The following LRBA variants were observed in gnomAD, a reference collection of about 807,000 sequenced individuals.
The protein encoded by LRBA is lipopolysaccharide-responsive and beige-like anchor protein.
A neutral mutation model predicts 330.0 loss-of-function variants in LRBA; 176 were observed. The ratio of observed to expected loss-of-function variants is 0.53; its 90% CI spans 0.47 to 0.60. LRBA has a LOEUF of 0.60. LRBA is among the 20% of genes least tolerant of loss of function. LRBA has a pLI of 0.00. For synonymous variants in LRBA, 1,230 were observed against 1,193.0 expected (o/e 1.03, Z -0.64); for missense variants, 3,259 against 3,444.8 (o/e 0.95, Z 1.35).
At chr4:150,965,795 C>T (rs1054711639) in intron 2 of LRBA, among the ~76,000 whole-genome samples, 2 of 151,908 alleles carry the variant, frequency 1.3e-5, no homozygotes, top group South Asian at 2.1e-4. Context: ...CCTTCCACCT[C>T]GGCCTTGCAA....
intron 35 of LRBA, among the ~76,000 whole-genome samples, chr4:150,760,257 T>C (rs1326286310): frequency 2.0e-5 from 3 of 152,202 alleles, no homozygotes; most frequent in Non-Finnish European, 2.9e-5. Context: ...CATTATTTCA[T>C]TAATTGCCCT....
intron 37 of LRBA, among the ~76,000 whole-genome samples, chr4:150,618,609 T>C (rs943749149): frequency 1.3e-5 from 2 of 151,992 alleles, no homozygotes; most frequent in Non-Finnish European, 2.9e-5. Context: ...TATAAAAAAT[T>C]AGTTGCACCC....
intron 42 of LRBA, among the ~76,000 whole-genome samples, chr4:150,486,561 A>T (rs1324292499): frequency 6.6e-6 from 1 of 151,960 alleles, no homozygotes; most frequent in Non-Finnish European, 1.5e-5. Flanking sequence ...ACTATTAGCA[A>T]CCAATAAAAA....
Position 150,871,395 on chromosome 4 carries a change from T to C in LRBA, c.2317A>G (p.Met773Val), listed in dbSNP as rs767412934. Residue 773 changes from methionine to valine, a missense_variant, in exon 19 of 57, where the codon ATG (methionine) becomes GTG (valine). Met to Val is a conservative substitution (Grantham distance 21). Coordinates refer to ENST00000651943, the MANE Select transcript of LRBA (RefSeq NM_001364905.1). Reference protein sequence around the residue: ...GLFSLLAERLMLQTNLITMTT... With the variant: ...GLFSLLAERLVLQTNLITMTT... ...ATTGTGATTAAATTTGTCTGAAGCA[T>C]GAGCCTTTCAGCTAGCAATGAAAAC... 6 of 1,612,772 alleles carry C rather than the reference T, an allele frequency of 3.7e-6. No individual in the cohort carries two copies. The highest frequency in any genetic ancestry group is 5.1e-6 in the Non-Finnish European group (6 of 1,179,062).
intron 40 of LRBA, among the ~76,000 whole-genome samples, chr4:150,542,921 A>C (rs534990498): frequency 3.3e-5 from 5 of 152,322 alleles, no homozygotes; most frequent in Admixed American, 3.3e-4. Flanking sequence ...TGGTGGTACT[A>C]AAAAATTAGA....
intron 37 of LRBA, among the ~76,000 whole-genome samples, chr4:150,612,892 C>A (rs1775410630): frequency 6.6e-6 from 1 of 151,986 alleles, no homozygotes; most frequent in Non-Finnish European, 1.5e-5. Context: ...TTAAAGGGAC[C>A]AAGAAGCTTT....
At chr4:150,705,047 CATG>C (rs1304969864) in intron 36 of LRBA, among the ~76,000 whole-genome samples, 1 of 152,084 alleles carries the variant, frequency 6.6e-6, no homozygotes, top group African/African-American at 2.4e-5. Context: ...TCATGTACTA[CATG>C]AATAAAAATT....
At chr4:150,905,402 A>T (rs546697700) in intron 13 of LRBA, among the ~76,000 whole-genome samples, 19 of 148,628 alleles carry the variant, frequency 1.3e-4, no homozygotes, top group African/African-American at 4.2e-4. Context: ...CTTAAGAAAT[A>T]AAAAAAAAAG....
intron 17 of LRBA, among the ~76,000 whole-genome samples, chr4:150,879,978 T>C (rs1024805292): frequency 2.6e-5 from 4 of 152,098 alleles, no homozygotes; most frequent in Admixed American, 2.0e-4. Context: ...GTCATCACAA[T>C]ACCCAACTTC....
intron 31 of LRBA, among the ~76,000 whole-genome samples, chr4:150,815,858 T>C (rs1374075067): frequency 1.3e-5 from 2 of 152,062 alleles, no homozygotes; most frequent in African/African-American, 2.4e-5. Context: ...AAGAATTGCA[T>C]ATAACTTTCT....
At chr4:150,576,717 C>T (rs1770590540) in intron 40 of LRBA, among the ~76,000 whole-genome samples, 1 of 151,804 alleles carries the variant, frequency 6.6e-6, no homozygotes, top group Admixed American at 6.6e-5. Context: ...ACAAACATCT[C>T]TAATCATATA....
In LRBA at chr4:150,289,784, A is replaced by G. The variant is rs886140096; in HGVS notation, c.8018-3750T>C. 3.3e-5 allele frequency among the ~76,000 whole-genome samples: 5 copies of G among 152,210 alleles called. No individual in the cohort carries two copies. In the South Asian group the frequency reaches 6.2e-4, roughly 19 times the overall value. ...AATAAATACCTACTACTTGATTTTTATAAGTTTTATAATAAAGAGCTTGAA... is the reference window on the plus strand; with the variant it reads ...AATAAATACCTACTACTTGATTTTTGTAAGTTTTATAATAAAGAGCTTGAA... On this transcript the variant is annotated intron_variant, in intron 53 of 56. Coordinates refer to ENST00000651943, the MANE Select transcript of LRBA (RefSeq NM_001364905.1).
At chr4:150,408,201 T>C (rs1452403447) in intron 47 of LRBA, among the ~76,000 whole-genome samples, 1 of 152,004 alleles carries the variant, frequency 6.6e-6, no homozygotes, top group East Asian at 1.9e-4. Flanking sequence ...AAAATCAGTA[T>C]AAATGAGGTA....
chr4:150,423,098 G>A, intron 46 of LRBA: 1 of 822,436 alleles, frequency 1.2e-6, no homozygotes, highest in Non-Finnish European at 2.2e-6. Context: ...GAGCTCCAAG[G>A]CATCTGACAA....
At chr4:150,462,474 A>G (rs1281877810) in intron 44 of LRBA, among the ~76,000 whole-genome samples, 2 of 151,854 alleles carry the variant, frequency 1.3e-5, no homozygotes, top group Non-Finnish European at 1.5e-5. Context: ...TTATACATTT[A>G]AAAAGACATT....
Position 150,852,402 on chromosome 4 carries a change from T to C in LRBA, c.3308A>G (p.Glu1103Gly). ...MPEFLDKSIV[E>G]EEEDDDYVEL... ...CACATAATCATCATCTTCCTCTTCC[T>C]CTACTATAGATTTATCCAAGAATTC... Residue 1103 changes from glutamate to glycine, a missense_variant, in exon 23 of 57, where the codon GAG becomes GGG. Physicochemically the swap from Glu to Gly is moderately conservative, Grantham distance 98. Coordinates refer to ENST00000651943, the MANE Select transcript of LRBA (RefSeq NM_001364905.1). The C allele has an allele frequency of 6.2e-7, 1 of 1,613,672 alleles. No homozygotes were observed. Among genetic ancestry groups the C allele is most frequent in the Non-Finnish European group, 8.5e-7 (1 of 1,179,966 alleles).
chr4:150,539,094 G>A (rs1765024410), intron 40 of LRBA, among the ~76,000 whole-genome samples: 1 of 152,014 alleles, frequency 6.6e-6, no homozygotes, highest in Non-Finnish European at 1.5e-5. Context: ...TCCTGCTTCA[G>A]GCTCCCGAGT....
chr4:150,438,006 C>T (rs1437815659), intron 44 of LRBA, among the ~76,000 whole-genome samples: 2 of 152,160 alleles, frequency 1.3e-5, no homozygotes, highest in African/African-American at 2.4e-5. Context: ...CTTACAAAGA[C>T]GTAGAGAATA....
chr4:150,390,668 C>T (rs1218126853), intron 47 of LRBA, among the ~76,000 whole-genome samples: 1 of 152,126 alleles, frequency 6.6e-6, no homozygotes, highest in East Asian at 1.9e-4. Flanking sequence ...AGGAATTCTT[C>T]CTCAAATTCA....
Sources: gnomAD v4.1 joint callset for allele counts (sites outside exome capture counted in the v4.1 genomes callset) on GRCh38, gnomAD v4.1.1 for gene constraint, MANE v1.5 for transcripts, NCBI Gene and HGNC (gene_info 2026-07-23, HGNC 2026-07-21) for gene names.